The following POMP variants were observed in gnomAD, a reference collection of about 807,000 sequenced individuals.
POMP encodes 2510048O06Rik.
Under a neutral mutation model 20.6 loss-of-function variants are expected in POMP, and 12 were observed. The observed-to-expected ratio is 0.58, with a 90% CI of 0.37 to 0.94. The LOEUF (loss-of-function observed/expected upper bound fraction) is 0.94. Ranked by LOEUF, POMP falls within the 40% of genes least tolerant of loss-of-function variation. The probability of loss-of-function intolerance (pLI) is 0.01; values close to 1 mark genes in which losing one functional copy is unlikely to be tolerated. For synonymous variants in POMP, 53 were observed against 55.0 expected (o/e 0.96, Z 0.16); for missense variants, 136 against 161.1 (o/e 0.84, Z 0.84).
chr13:28,668,811 TG>T (rs199855624), intron 4 of POMP, among the ~76,000 whole-genome samples: 3 of 151,830 alleles, frequency 2.0e-5, no homozygotes, highest in African/African-American at 4.9e-5. Flanking sequence ...CATGTTTTTC[TG>T]GGTTTTTTTT....
At chr13:28,670,558 T>C (rs1035068965) in intron 4 of POMP, among the ~76,000 whole-genome samples, 13 of 152,156 alleles carry the variant, frequency 8.5e-5, no homozygotes, top group African/African-American at 3.1e-4. Context: ...CTTTACCCTC[T>C]AAATAAAAAT....
chr13:28,668,476 C>A lies in POMP; in HGVS notation c.166C>A (p.Gln56Lys). 1 of 1,600,906 alleles carries A rather than the reference C, an allele frequency of 6.2e-7. No individual in the cohort carries two copies. The highest frequency in any genetic ancestry group is 8.6e-7 in the Non-Finnish European group (1 of 1,168,310). The change falls in exon 4 of 6, where the codon CAG becomes AAG. Residue 56 changes from glutamine to lysine, a missense_variant. By Grantham distance (53) the Gln-to-Lys change is moderately conservative. Coordinates refer to ENST00000380842, the MANE Select transcript of POMP (RefSeq NM_015932.6). ...AAAATTACATTGTCTTTTGTAGTTC[C>A]AGCTCAACCAAGATAAAATGAATTT... ...HPLELSEKNF[Q>K]LNQDKMNFST...
At chr13:28,660,597 G>A (rs1168573072) in intron 1 of POMP, among the ~76,000 whole-genome samples, 1 of 152,210 alleles carries the variant, frequency 6.6e-6, no homozygotes, top group African/African-American at 2.4e-5. Context: ...AGTCCTGGTA[G>A]GAGTTCAGCT....
intron 5 of POMP, among the ~76,000 whole-genome samples, chr13:28,676,393 C>T (rs116183524): frequency 0.012 from 1,770 of 152,238 alleles, 33 homozygotes; most frequent in African/African-American, 0.039. Context: ...GCTCTGTCAC[C>T]CTGCCTTATA....
chr13:28,674,527 C>T (rs1304611711), intron 5 of POMP, among the ~76,000 whole-genome samples: 4 of 152,194 alleles, frequency 2.6e-5, no homozygotes, highest in Non-Finnish European at 5.9e-5. Context: ...AACTGTCTCC[C>T]AGCATATATA....
At chr13:28,661,322 C>T (rs1241154476) in intron 1 of POMP, among the ~76,000 whole-genome samples, 2 of 152,060 alleles carry the variant, frequency 1.3e-5, no homozygotes, top group African/African-American at 4.8e-5. Flanking sequence ...AAAAATTAGC[C>T]AGGCGTGATG....
intron 2 of POMP, 96 bp from the exon 3 acceptor site, chr13:28,664,411 ACT>A (rs1236437204): frequency 1.3e-5 from 10 of 779,918 alleles, no homozygotes; most frequent in South Asian, 3.3e-5. Flanking sequence ...ACCCCAAAAA[ACT>A]CTCTCATGCC....
At chr13:28,666,310 G>A (rs1405279305) in intron 3 of POMP, among the ~76,000 whole-genome samples, 1 of 152,170 alleles carries the variant, frequency 6.6e-6, no homozygotes, top group Non-Finnish European at 1.5e-5. Context: ...GGTTAATGCA[G>A]TCTTGGGCTT....
Position 28,678,188 on chromosome 13 carries a change from A to C in POMP, c.*86A>C. 1 of 1,334,202 alleles carries C rather than the reference A, an allele frequency of 7.5e-7. No homozygotes were observed. Among genetic ancestry groups the C allele is most frequent in the South Asian group, 1.2e-5 (1 of 84,666 alleles). The allele number at this position is 1,334,202 out of a possible 1,614,324, so 82.6% of individuals were successfully genotyped here. ...ATTTGATGTACACAACATTAAAAGT[A>C]CTGACACCTGAGAATTTCTGCTCAA... is the stretch of plus-strand genomic sequence containing the variant. On this transcript the variant is annotated 3_prime_UTR_variant, in exon 6 of 6. Transcript: ENST00000380842.
At chr13:28,667,186 A>T (rs1258967825) in intron 3 of POMP, among the ~76,000 whole-genome samples, 1 of 152,208 alleles carries the variant, frequency 6.6e-6, no homozygotes, top group Non-Finnish European at 1.5e-5. Context: ...ACATTACAAG[A>T]TGGCTGTATT....
At chr13:28,668,767 G>C (rs997596236) in intron 4 of POMP, among the ~76,000 whole-genome samples, 193 bp downstream of exon 4, 5 of 151,934 alleles carry the variant, frequency 3.3e-5, no homozygotes, top group Non-Finnish European at 5.9e-5. Context: ...CAAATTACAG[G>C]CTCAGTGTCT....
chr13:28,673,444 C>G (rs890308005), intron 5 of POMP, among the ~76,000 whole-genome samples: 1 of 152,208 alleles, frequency 6.6e-6, no homozygotes, highest in Non-Finnish European at 1.5e-5. Context: ...GCAGCATCCT[C>G]TATTTTTTCT....
chr13:28,662,595 G>A (rs1884365718), intron 2 of POMP, 88 bp downstream of exon 2: 5 of 1,120,646 alleles, frequency 4.5e-6, no homozygotes, highest in Non-Finnish European at 6.8e-6. Context: ...CTATACATGT[G>A]TATTTAGTTG....
chr13:28,666,989 C>T (rs1252841913), intron 3 of POMP, among the ~76,000 whole-genome samples: 1 of 152,162 alleles, frequency 6.6e-6, no homozygotes, highest in Non-Finnish European at 1.5e-5. Context: ...GACAGCCTGC[C>T]ACAGTGAAGA....
intron 3 of POMP, among the ~76,000 whole-genome samples, chr13:28,665,099 G>C (rs1429003154): frequency 6.6e-6 from 1 of 152,154 alleles, no homozygotes; most frequent in African/African-American, 2.4e-5. Flanking sequence ...CCTGTGCTTA[G>C]GGCTTTTTTG....
chr13:28,661,395 A>G (rs146448533), intron 1 of POMP, among the ~76,000 whole-genome samples: 320 of 152,272 alleles, frequency 2.1e-3, no homozygotes, highest in African/African-American at 7.5e-3. Flanking sequence ...GAACCTGGGA[A>G]GTCTAGGCTG....
At chr13:28,674,073 G>C (rs1318383548) in intron 5 of POMP, among the ~76,000 whole-genome samples, 2 of 152,234 alleles carry the variant, frequency 1.3e-5, no homozygotes, top group South Asian at 2.1e-4. Flanking sequence ...ATTTCAGACA[G>C]AAGAGATGAG....
chr13:28,660,097 C>G (rs1303167185), intron 1 of POMP, among the ~76,000 whole-genome samples: 1 of 152,178 alleles, frequency 6.6e-6, no homozygotes, highest in Non-Finnish European at 1.5e-5. Flanking sequence ...ATCCAGAAGT[C>G]AGAATTCACC....
chr13:28,660,120 G>T (rs1348771789), intron 1 of POMP, among the ~76,000 whole-genome samples: 4 of 152,208 alleles, frequency 2.6e-5, no homozygotes, highest in Admixed American at 2.6e-4. Context: ...TTCTTTGTGC[G>T]TTGAAACCTT....
Sources: gnomAD v4.1 joint callset for allele counts (sites outside exome capture counted in the v4.1 genomes callset) on GRCh38, gnomAD v4.1.1 for gene constraint, MANE v1.5 for transcripts, NCBI Gene and HGNC (gene_info 2026-07-23, HGNC 2026-07-21) for gene names.